The following GRM7 variants were observed in gnomAD, a reference collection of about 807,000 sequenced individuals.
GRM7 encodes glutamate metabotropic receptor 7.
GRM7 carries 35 observed loss-of-function variants against 84.5 expected under a neutral mutation model. The ratio of observed to expected loss-of-function variants is 0.41; its 90% CI spans 0.32 to 0.55. The LOEUF (loss-of-function observed/expected upper bound fraction) is 0.55, where lower values mean the gene tolerates loss of function less well. Ranked by LOEUF, GRM7 falls within the 20% of genes least tolerant of loss-of-function variation. The probability of loss-of-function intolerance (pLI) is 0.19; values close to 1 mark genes in which losing one functional copy is unlikely to be tolerated. For synonymous variants in GRM7, 487 were observed against 455.1 expected (o/e 1.07, Z -0.89); for missense variants, 1,003 against 1,194.6 (o/e 0.84, Z 2.36).
intron 1 of GRM7, among the ~76,000 whole-genome samples, chr3:7,080,851 A>G (rs1559426165): frequency 6.6e-6 from 1 of 152,062 alleles, no homozygotes; most frequent in African/African-American, 2.4e-5. Flanking sequence ...CGTGTCCTAT[A>G]CTTAGATAAG....
At chr3:6,994,592 T>A (rs1490451914) in intron 1 of GRM7, among the ~76,000 whole-genome samples, 1 of 152,226 alleles carries the variant, frequency 6.6e-6, no homozygotes, top group African/African-American at 2.4e-5. Context: ...GAATTTTTTT[T>A]AAAAGAACGT....
intron 7 of GRM7, among the ~76,000 whole-genome samples, chr3:7,525,277 A>G (rs1161138126): frequency 6.6e-6 from 1 of 152,122 alleles, no homozygotes; most frequent in Non-Finnish European, 1.5e-5. Context: ...ATAATAAAAT[A>G]AAAAAATCTG....
chr3:7,337,376 C>G (rs1057062241), intron 4 of GRM7, among the ~76,000 whole-genome samples: 17 of 152,080 alleles, frequency 1.1e-4, no homozygotes, highest in Non-Finnish European at 1.5e-5. Context: ...GACCAAGAAC[C>G]CACAACCAAA....
At chr3:7,521,389 A>G (rs1159867976) in intron 7 of GRM7, among the ~76,000 whole-genome samples, 1 of 152,216 alleles carries the variant, frequency 6.6e-6, no homozygotes, top group Non-Finnish European at 1.5e-5. Context: ...CTTTGGCCAG[A>G]TGATTGGGTC....
chr3:7,422,912 CACTA>C (rs1167508027), intron 5 of GRM7, among the ~76,000 whole-genome samples: 3 of 152,096 alleles, frequency 2.0e-5, no homozygotes, highest in Non-Finnish European at 4.4e-5. Flanking sequence ...TACCATATGA[CACTA>C]ACCGAAGTAC....
chr3:7,569,966 G>A (rs780176257), intron 7 of GRM7, among the ~76,000 whole-genome samples: 6 of 152,088 alleles, frequency 3.9e-5, no homozygotes, highest in Non-Finnish European at 7.3e-5. Context: ...CACCAATTCC[G>A]GCCACAGTGG....
At chr3:6,951,246 C>T (rs1056519853) in intron 1 of GRM7, among the ~76,000 whole-genome samples, 6 of 152,152 alleles carry the variant, frequency 3.9e-5, no homozygotes, top group African/African-American at 1.4e-4. Flanking sequence ...AGCTTTGTGC[C>T]TGAATTATTT....
At chr3:7,329,975 G>GAC (rs993956922) in intron 4 of GRM7, among the ~76,000 whole-genome samples, 63 of 152,198 alleles carry the variant, frequency 4.1e-4, no homozygotes, top group African/African-American at 1.4e-3. Flanking sequence ...TAGTGTTTGG[G>GAC]AGTCACTCAA....
intron 2 of GRM7, among the ~76,000 whole-genome samples, chr3:7,196,737 G>A (rs929800659): frequency 6.6e-6 from 1 of 151,956 alleles, no homozygotes; most frequent in African/African-American, 2.4e-5. Flanking sequence ...CATTATACTT[G>A]TCAAAATTAT....
chr3:7,175,172 C>T (rs1162591536), intron 2 of GRM7, among the ~76,000 whole-genome samples: 2 of 152,210 alleles, frequency 1.3e-5, no homozygotes, highest in Non-Finnish European at 2.9e-5. Flanking sequence ...CTCTTGAAGA[C>T]TTGAATGGAA....
rs35371570 is a variant in GRM7 at position 7,641,953 on chromosome 3, T to TA, written c.2452-38086dup. ...AAATCAAGATGGGGAAAACCGTCAT[T>TA]AAAAAAAAAATCAACATATTCCAGA... On this transcript the variant is annotated intron_variant, in intron 8 of 9. Coordinates refer to ENST00000357716, the MANE Select transcript of GRM7 (RefSeq NM_000844.4). 4.6e-5 allele frequency among the ~76,000 whole-genome samples: 7 copies of TA among 151,376 alleles called. No homozygotes were observed. In the South Asian group the frequency reaches 1.0e-3, roughly 23 times the overall value.
chr3:7,141,011 T>C (rs1314526750), intron 1 of GRM7, among the ~76,000 whole-genome samples: 2 of 152,094 alleles, frequency 1.3e-5, no homozygotes, highest in Non-Finnish European at 2.9e-5. Context: ...GATAAGCTTC[T>C]TAATTTAACT....
chr3:7,348,529 T>G (rs1692992007), intron 4 of GRM7, among the ~76,000 whole-genome samples: 1 of 152,142 alleles, frequency 6.6e-6, no homozygotes, highest in Non-Finnish European at 1.5e-5. Flanking sequence ...CTTTACCAAA[T>G]AGACCCCAAG....
intron 8 of GRM7, among the ~76,000 whole-genome samples, chr3:7,597,750 G>A (rs2125067953): frequency 6.6e-6 from 1 of 152,244 alleles, no homozygotes; most frequent in East Asian, 1.9e-4. Flanking sequence ...GACCATGGAT[G>A]ACAATTAGAA....
intron 1 of GRM7, among the ~76,000 whole-genome samples, chr3:7,011,790 G>T (rs537945250): frequency 3.7e-4 from 57 of 152,240 alleles, no homozygotes; most frequent in Admixed American, 1.4e-3. Context: ...AGTCTTGAAG[G>T]ATTAAAAAGA....
intron 5 of GRM7, among the ~76,000 whole-genome samples, chr3:7,439,225 C>G (rs1450572812): frequency 2.0e-5 from 3 of 152,078 alleles, no homozygotes; most frequent in Admixed American, 2.0e-4. Context: ...TCCAGACTAC[C>G]TTTCCAAGGG....
intron 7 of GRM7, among the ~76,000 whole-genome samples, chr3:7,577,080 A>G (rs1369340203): frequency 6.6e-6 from 1 of 152,178 alleles, no homozygotes; most frequent in Non-Finnish European, 1.5e-5. Context: ...CTCTGAGTCC[A>G]GTGAAAACAA....
intron 7 of GRM7, among the ~76,000 whole-genome samples, chr3:7,476,109 G>T (rs1303483295): frequency 3.9e-5 from 6 of 152,180 alleles, no homozygotes; most frequent in African/African-American, 1.4e-4. Flanking sequence ...GAGGCAGGCT[G>T]CCTGGGTTTA....
intron 1 of GRM7, chr3:6,892,986 A>T (rs1696027076): frequency 6.6e-6 from 1 of 152,202 alleles, no homozygotes; most frequent in African/African-American, 2.4e-5. Flanking sequence ...GACCTTGATG[A>T]TGATGATAAT....
Sources: gnomAD v4.1 joint callset for allele counts (sites outside exome capture counted in the v4.1 genomes callset) on GRCh38, gnomAD v4.1.1 for gene constraint, MANE v1.5 for transcripts, NCBI Gene and HGNC (gene_info 2026-07-23, HGNC 2026-07-21) for gene names.